Variants in PSD2 observed in about 807,000 individuals in gnomAD.
PSD2 encodes pleckstrin and Sec7 domain containing 2.
In PSD2, 38 loss-of-function variants were observed where a neutral mutation model predicts 69.8. The observed-to-expected ratio is 0.54, with a 90% confidence interval of 0.42 to 0.71. PSD2 has a LOEUF of 0.71. Ranked by LOEUF, PSD2 falls within the 30% of genes least tolerant of loss-of-function variation. The pLI is 0.00. For synonymous variants in PSD2, 412 were observed against 423.0 expected (o/e 0.97, Z 0.32); for missense variants, 943 against 1,014.5 (o/e 0.93, Z 0.96).
the PSD2 span, among the ~76,000 whole-genome samples, chr5:139,758,005 C>G: frequency 6.6e-6 from 1 of 152,204 alleles, no homozygotes; most frequent in Non-Finnish European, 1.5e-5. Flanking sequence ...TGTGCCACTG[C>G]ACTTGAGCCA....
chr5:139,795,938 GC>G lies in PSD2; in HGVS notation c.-86del, dbSNP rs1362527320. 1 of 150,856 alleles carries G rather than the reference GC, an allele frequency of 6.6e-6. No individual in the cohort carries two copies. Among genetic ancestry groups the G allele is most frequent in the African/African-American group, 2.4e-5 (1 of 41,284 alleles). The allele number at this position is 150,856 out of a possible 1,614,324, so 9.3% of individuals were successfully genotyped here. A position where few individuals can be genotyped will look rare whatever the true frequency, so the allele number is the denominator to read the frequency against. On this transcript the variant is annotated 5_prime_UTR_variant, in exon 1 of 15. An upstream open reading frame in the 5' UTR loses its in-frame stop. Coordinates refer to ENST00000274710, the MANE Select transcript of PSD2 (RefSeq NM_032289.4). This position sits in a 1 kb window ranked among gnomAD's most constrained non-coding sequence, Gnocchi z 4.5. The stretch of plus-strand genomic sequence containing the variant: ...CAGCCCGGCGGCCTCCGATGGCCCC[GC>G]CGTGAGAGGCCGGACCCGCGGCGGG...
At chr5:139,769,661 G>A in the PSD2 span, among the ~76,000 whole-genome samples, 1 of 152,168 alleles carries the variant, frequency 6.6e-6, no homozygotes, top group Non-Finnish European at 1.5e-5. Context: ...TTCCCTAAAG[G>A]TGAAGTGAGT....
intron 1 of PSD2, among the ~76,000 whole-genome samples, chr5:139,803,215 G>A (rs1481531592): frequency 6.6e-6 from 1 of 152,220 alleles, no homozygotes; most frequent in East Asian, 1.9e-4. Flanking sequence ...TGCCCTCTCT[G>A]GCCCCCCTCC....
chr5:139,770,457 T>G, the PSD2 span, among the ~76,000 whole-genome samples: 2 of 152,078 alleles, frequency 1.3e-5, no homozygotes, highest in East Asian at 3.9e-4. Context: ...CTCAGGAGGC[T>G]GAGGCAGGAG....
chr5:139,754,852 G>T, the PSD2 span, among the ~76,000 whole-genome samples: 1 of 152,142 alleles, frequency 6.6e-6, no homozygotes. Context: ...ATTCCAGCTT[G>T]AGTGACCCTG....
the PSD2 span, among the ~76,000 whole-genome samples, chr5:139,778,573 T>G: frequency 4.8e-4 from 73 of 152,332 alleles, no homozygotes; most frequent in African/African-American, 1.7e-3. Context: ...TAATCAATAT[T>G]GTAATGAACA....
At position 139,837,079 on chromosome 5, in the gene PSD2, G is replaced by A. The variant is rs564256798; in HGVS notation, c.1594+78G>A. The A allele has an allele frequency of 2.7e-5, 43 of 1,593,156 alleles. No individual in the cohort carries two copies. Among genetic ancestry groups the A allele is most frequent in the African/African-American group, 4.0e-5 (3 of 74,726 alleles). On this transcript the variant is annotated intron_variant, in intron 10 of 14. Coordinates refer to ENST00000274710, the MANE Select transcript of PSD2 (RefSeq NM_032289.4). The surrounding 1 kb of genome is among the most constrained non-coding windows in gnomAD (Gnocchi z 5.0). Reference sequence around the variant, plus strand: ...GCGCCACGGGCCACTCTTTGGGGACGAACATACAGGTGGACACGTAGTGGG... The same window carrying A: ...GCGCCACGGGCCACTCTTTGGGGACAAACATACAGGTGGACACGTAGTGGG...
intron 7 of PSD2, 101 bp from the exon 8 acceptor site, chr5:139,833,601 C>T (rs913919285): frequency 1.3e-6 from 1 of 795,566 alleles, no homozygotes; most frequent in Admixed American, 1.7e-5. Flanking sequence ...TCATTATTGC[C>T]CTTAATGCTG....
intron 7 of PSD2, among the ~76,000 whole-genome samples, chr5:139,828,421 C>A (rs926494089): frequency 1.3e-5 from 2 of 152,120 alleles, no homozygotes; most frequent in African/African-American, 4.8e-5. Context: ...TCTGGCGAAG[C>A]GCATTGGGGC....
the PSD2 span, among the ~76,000 whole-genome samples, chr5:139,763,249 C>T: frequency 6.6e-6 from 1 of 152,154 alleles, no homozygotes; most frequent in Non-Finnish European, 1.5e-5. Context: ...CCTGGCCTCT[C>T]TCTGAACCTC....
intron 8 of PSD2, among the ~76,000 whole-genome samples, chr5:139,834,943 A>G (rs1760679577): frequency 6.7e-6 from 1 of 149,656 alleles, no homozygotes; most frequent in East Asian, 2.0e-4. Flanking sequence ...TCACCCATAT[A>G]TATATATATC....
At chr5:139,767,458 G>A in the PSD2 span, among the ~76,000 whole-genome samples, 2 of 152,076 alleles carry the variant, frequency 1.3e-5, no homozygotes, top group Non-Finnish European at 2.9e-5. Flanking sequence ...GGGATTACAG[G>A]CATGCACCAC....
the PSD2 span, among the ~76,000 whole-genome samples, chr5:139,746,409 C>T: frequency 5.3e-5 from 8 of 152,226 alleles, no homozygotes; most frequent in Non-Finnish European, 7.3e-5. The surrounding 1 kb of genome is among the most constrained non-coding windows in gnomAD (Gnocchi z 4.5). Flanking sequence ...CTCGCGCGCC[C>T]TGCAGAAGGC....
chr5:139,802,269 G>T (rs1303975682), intron 1 of PSD2, among the ~76,000 whole-genome samples: 1 of 151,940 alleles, frequency 6.6e-6, no homozygotes, highest in South Asian at 2.1e-4. Flanking sequence ...GGACTTAGAG[G>T]GTTTGGGGTG....
the PSD2 span, among the ~76,000 whole-genome samples, chr5:139,752,874 G>A: frequency 2.0e-5 from 3 of 152,196 alleles, no homozygotes; most frequent in South Asian, 2.1e-4. Flanking sequence ...ACACGGCAGC[G>A]CCCCTGCCCG....
At position 139,837,336 on chromosome 5, in the gene PSD2, G is replaced by A. The variant is rs1392267831; in HGVS notation, c.1665+98G>A. On this transcript the variant is annotated intron_variant, in intron 11 of 14. Coordinates refer to ENST00000274710, the MANE Select transcript of PSD2 (RefSeq NM_032289.4). This position sits in a 1 kb window ranked among gnomAD's most constrained non-coding sequence, Gnocchi z 5.0. ...CCCGAAGCCCCAGGCAGGACCTGGGGCTCAGGCACATGCTGGGTCCTTCCC... is the reference window on the plus strand; with the variant it reads ...CCCGAAGCCCCAGGCAGGACCTGGGACTCAGGCACATGCTGGGTCCTTCCC... The A allele has an allele frequency of 8.2e-7, 1 of 1,224,772 alleles. No individual in the cohort carries two copies. Among genetic ancestry groups the A allele is most frequent in the African/African-American group, 1.5e-5 (1 of 66,300 alleles). The allele number at this position is 1,224,772 out of a possible 1,614,324, so 75.9% of individuals were successfully genotyped here. A position where few individuals can be genotyped will look rare whatever the true frequency, so the allele number is the denominator to read the frequency against.
At position 139,833,767 on chromosome 5, in the gene PSD2, A is replaced by G; in HGVS notation, c.1335A>G (p.Gln445=). 2 of 1,613,982 alleles carry G rather than the reference A, an allele frequency of 1.2e-6. No homozygotes were observed. The highest frequency in any genetic ancestry group is 2.2e-5 in the South Asian group (2 of 91,072). Residue 445 remains glutamine, a synonymous_variant, in exon 8 of 15, where the codon CAA becomes CAG. Transcript: ENST00000274710. ...IANLDQLNDG[Q]DFAKDLLKTL... Reference sequence around the variant, plus strand: ...ACTTGGACCAGCTGAATGATGGCCAAGACTTTGCCAAAGACCTGCTGAAGG... The same window carrying G: ...ACTTGGACCAGCTGAATGATGGCCAGGACTTTGCCAAAGACCTGCTGAAGG...
chr5:139,826,133 G>A (rs1365611322), intron 7 of PSD2, among the ~76,000 whole-genome samples: 2 of 152,204 alleles, frequency 1.3e-5, no homozygotes, highest in African/African-American at 4.8e-5. Flanking sequence ...GTCATGGGTG[G>A]GATGGTCAAG....
intron 1 of PSD2, among the ~76,000 whole-genome samples, chr5:139,805,401 C>T (rs1323853431): frequency 2.0e-5 from 3 of 152,238 alleles, no homozygotes; most frequent in African/African-American, 7.2e-5. Context: ...ATGATAATCC[C>T]TGTTATTCAT....
Sources: gnomAD v4.1 joint callset for allele counts (sites outside exome capture counted in the v4.1 genomes callset) on GRCh38, gnomAD v4.1.1 for gene constraint, Gnocchi (gnomAD v3.1) non-coding constraint, MANE v1.5 for transcripts, NCBI Gene and HGNC (gene_info 2026-07-23, HGNC 2026-07-21) for gene names.